The following HLA-DPA1 variants were observed in gnomAD, a reference collection of about 807,000 sequenced individuals.
HLA-DPA1 encodes the protein HLA class II histocompatibility antigen, DP alpha 1 chain.
In HLA-DPA1, 20 loss-of-function variants were observed where a neutral mutation model predicts 21.5. The observed-to-expected ratio is 0.93, with a 90% CI of 0.66 to 1.35. HLA-DPA1 has a LOEUF of 1.35. Among genes scored for constraint, HLA-DPA1 ranks in the 40% most tolerant of loss-of-function variants. HLA-DPA1 has a pLI of 0.00. For missense variants in HLA-DPA1, 279 were observed against 323.0 expected (o/e 0.86, Z 1.05); for synonymous variants, 123 against 129.6 (o/e 0.95, Z 0.35).
intron 2 of HLA-DPA1, among the ~76,000 whole-genome samples, chr6:33,071,974 C>T (rs901176859): frequency 6.6e-6 from 1 of 152,046 alleles, no homozygotes; most frequent in African/African-American, 2.4e-5. Context: ...TCATTAGTGG[C>T]AGGTGCAGGT....
At chr6:33,078,358 G>A (rs974855524) in intron 1 of HLA-DPA1, among the ~76,000 whole-genome samples, 1 of 152,128 alleles carries the variant, frequency 6.6e-6, no homozygotes, top group African/African-American at 2.4e-5. Context: ...GGGCAGGGCT[G>A]ATTCCACAAT....
At position 33,071,276 on chromosome 6, in the gene HLA-DPA1, AAAC is replaced by A. The variant is rs202241301; in HGVS notation, c.101-1393_101-1391del. ...CAAGCAAAGAGTGGTATTTGAAACT[AAAC>A]AAAACAAATCCTATAGGTATTTCAC... On this transcript the variant is annotated intron_variant, in intron 2 of 5. Transcript: ENST00000419277. Among the ~76,000 whole-genome samples, 534 of 152,310 alleles carry A rather than the reference AAAC, an allele frequency of 3.5e-3. 2 individuals carry two copies. Among genetic ancestry groups the A allele is most frequent in the East Asian group, 0.026 (133 of 5,186 alleles).
chr6:33,072,649 G>A (rs534521321), intron 2 of HLA-DPA1, among the ~76,000 whole-genome samples: 143 of 152,248 alleles, frequency 9.4e-4, no homozygotes, highest in African/African-American at 3.1e-3. Context: ...CATCTTGTAC[G>A]TTATGGATTC....
At chr6:33,077,793 A>G (rs982803774) in intron 1 of HLA-DPA1, among the ~76,000 whole-genome samples, 1 of 152,172 alleles carries the variant, frequency 6.6e-6, no homozygotes, top group African/African-American at 2.4e-5. Flanking sequence ...AGGTACTGAC[A>G]TCATGTCACC....
chr6:33,079,483 G>C (rs866300012), intron 1 of HLA-DPA1: 16 of 314,926 alleles, frequency 5.1e-5, no homozygotes, highest in African/African-American at 3.1e-4. Flanking sequence ...TGAAGGATAA[G>C]ATCCTCAAAA....
chr6:33,068,524 T>G, intron 5 of HLA-DPA1, 114 bp downstream of exon 4: 1 of 790,612 alleles, frequency 1.3e-6, no homozygotes, highest in East Asian at 2.6e-5. Context: ...TTGTTGTTGT[T>G]ATGTGGCTGA....
At chr6:33,073,339 GCCAGAGGGAACATAGACTATGAGGA>G in intron 2 of HLA-DPA1, 107 bp downstream of exon 1, 1 of 657,426 alleles carries the variant, frequency 1.5e-6, no homozygotes, top group Non-Finnish European at 2.7e-6. Context: ...TATTATGAGG[GCCAGAGGGAACATAGACTATGAGGA>G]CCAGATAGAT....
intron 1 of HLA-DPA1, chr6:33,075,980 T>C: frequency 7.8e-7 from 1 of 1,274,904 alleles, no homozygotes; most frequent in Non-Finnish European, 1.1e-6. Flanking sequence ...AGGAGCTCCC[T>C]TTAGCGAGTC....
chr6:33,076,867 A>G (rs901356446), intron 1 of HLA-DPA1, among the ~76,000 whole-genome samples: 3 of 152,118 alleles, frequency 2.0e-5, no homozygotes, highest in East Asian at 1.9e-4. Context: ...CTGGTGTAAT[A>G]TTATGGCATC....
At chr6:33,075,531 T>A (rs554033410) in intron 1 of HLA-DPA1, among the ~76,000 whole-genome samples, 1 of 152,244 alleles carries the variant, frequency 6.6e-6, no homozygotes, top group South Asian at 2.1e-4. Context: ...ACAGACAGAC[T>A]CAGACCTCAT....
At chr6:33,069,069 T>C in exon 4 of HLA-DPA1, 1 of 1,612,966 alleles carries the variant, frequency 6.2e-7, no homozygotes, top group South Asian at 1.1e-5. Context: ...CACCCTGCAG[T>C]CATAGAAGTC....
chr6:33,067,351 G>A (rs1173962920), intron 5 of HLA-DPA1: 1 of 145,810 alleles, frequency 6.9e-6, no homozygotes, highest in Non-Finnish European at 1.5e-5. Flanking sequence ...CACTCTATTA[G>A]TGCACATGAA....
Position 33,075,201 on chromosome 6 carries a change from T to A in HLA-DPA1, c.-99-1532A>T, listed in dbSNP as rs145250765. On this transcript the variant is annotated intron_variant, in intron 1 of 5. Transcript: ENST00000419277. ...ATTTATATTCTCTATGGACTTTATTTTTCCAAAGCAATTTCAGACCTATTG... is the reference window on the plus strand; with the variant it reads ...ATTTATATTCTCTATGGACTTTATTATTCCAAAGCAATTTCAGACCTATTG... Among the ~76,000 whole-genome samples, 540 of 152,332 alleles carry A rather than the reference T, an allele frequency of 3.5e-3. 3 individuals are homozygous for A. Among genetic ancestry groups the A allele is most frequent in the East Asian group, 0.026 (133 of 5,190 alleles).
At chr6:33,068,679 G>A (rs1161265516) in exon 5 of HLA-DPA1, 1 of 1,612,980 alleles carries the variant, frequency 6.2e-7, no homozygotes, top group Non-Finnish European at 8.5e-7. Context: ...CGGGGGTCAT[G>A]GCCAGAACGC....
Position 33,069,766 on chromosome 6 carries a change from C to T in HLA-DPA1, c.221G>A (p.Trp74Ter), listed in dbSNP as rs1762174983. The T allele has an allele frequency of 1.2e-6, 2 of 1,612,538 alleles. No individual in the cohort carries two copies. Among genetic ancestry groups the T allele is most frequent in the South Asian group, 1.1e-5 (1 of 91,068 alleles). Residue 74 changes from tryptophan (W) to a stop codon, truncating the protein, a stop_gained, in exon 3 of 6, where the codon TGG (tryptophan) becomes TAG (stop). Transcript: ENST00000419277. LOFTEE classifies it high-confidence loss of function. ...GGCTTGGCCAAACTCCTCCAGATGC[C>T]AGACGGTCTCCTTCTTGTCCAGATC...
Position 33,069,676 on chromosome 6 carries a change from A to T in HLA-DPA1, c.311T>A (p.Leu104Ter). The T allele has an allele frequency of 1.2e-6, 2 of 1,608,478 alleles. No individual in the cohort carries two copies. Among genetic ancestry groups the T allele is most frequent in the Non-Finnish European group, 8.5e-7 (1 of 1,179,670 alleles). Residue 104 changes from leucine (L) to a stop codon, truncating the protein, a stop_gained, in exon 3 of 6, where the codon TTG becomes TAG. Coordinates refer to ENST00000419277, the Ensembl canonical transcript of HLA-DPA1. LOFTEE classifies it high-confidence loss of function. Reference sequence around the variant, plus strand: ...CTGAGTGTGGTTGGAACGCTGGATCAAGGTATTCAAGTTGTTGTTCAATAT... The same window carrying T: ...CTGAGTGTGGTTGGAACGCTGGATCTAGGTATTCAAGTTGTTGTTCAATAT...
Position 33,073,668 on chromosome 6 carries a change from CA to C in HLA-DPA1, c.-99del. 1 of 791,348 alleles carries C rather than the reference CA, an allele frequency of 1.3e-6. No individual in the cohort carries two copies. Among genetic ancestry groups the C allele is most frequent in the Non-Finnish European group, 2.2e-6 (1 of 455,484 alleles). The allele number at this position is 791,348 out of a possible 1,614,324, so 49.0% of individuals were successfully genotyped here. A position where few individuals can be genotyped will look rare whatever the true frequency, so the allele number is the denominator to read the frequency against. On this transcript the variant is annotated splice_region_variant and 5_prime_UTR_variant, in exon 2 of 6. Transcript: ENST00000419277. ...TGAGACTGAAACTGTGGGCCTCTAGCACTGGAAATGGGTGGAGAGGAATCAG... is the reference window on the plus strand; with the variant it reads ...TGAGACTGAAACTGTGGGCCTCTAGCCTGGAAATGGGTGGAGAGGAATCAG...
At chr6:33,077,495 C>A (rs6457711) in intron 1 of HLA-DPA1, among the ~76,000 whole-genome samples, 57,429 of 151,862 alleles carry the variant, frequency 0.38, 12,361 homozygotes, top group East Asian at 0.72. Context: ...AATTGCCACA[C>A]TGTCTTGAGA....
chr6:33,079,106 C>T (rs1484368141), intron 1 of HLA-DPA1, among the ~76,000 whole-genome samples: 2 of 152,244 alleles, frequency 1.3e-5, no homozygotes, highest in Non-Finnish European at 2.9e-5. Context: ...CCCATCTCCA[C>T]TATCCTCTGC....
Sources: gnomAD v4.1 joint callset for allele counts (sites outside exome capture counted in the v4.1 genomes callset) on GRCh38, gnomAD v4.1.1 for gene constraint, MANE v1.5 for transcripts, NCBI Gene and HGNC (gene_info 2026-07-23, HGNC 2026-07-21) for gene names.